BBS9: variants seen among roughly 807,000 people sequenced by gnomAD.
The protein encoded by BBS9 is protein PTHB1.
Under a neutral mutation model 117.7 loss-of-function variants are expected in BBS9, and 89 were observed. The observed-to-expected ratio is 0.76, with a 90% confidence interval of 0.64 to 0.90. The LOEUF (loss-of-function observed/expected upper bound fraction) is 0.90, where lower values mean the gene tolerates loss of function less well. BBS9 is among the 40% of genes least tolerant of loss of function. BBS9 has a pLI of 0.00. For missense variants in BBS9, 982 were observed against 1,042.2 expected (o/e 0.94, Z 0.80); for synonymous variants, 379 against 370.9 (o/e 1.02, Z -0.25).
chr7:33,553,954 G>A (rs577311139), intron 21 of BBS9, among the ~76,000 whole-genome samples: 2 of 152,244 alleles, frequency 1.3e-5, no homozygotes, highest in South Asian at 2.1e-4. Context: ...AGTTGAGAGA[G>A]TTTGTGGTGG....
intron 19 of BBS9, among the ~76,000 whole-genome samples, chr7:33,467,385 T>G (rs1052640960): frequency 2.0e-5 from 3 of 152,202 alleles, no homozygotes; most frequent in African/African-American, 7.2e-5. Context: ...GTTATCTCCA[T>G]CGATTTTCTA....
chr7:33,426,966 T>G (rs1377925736), intron 19 of BBS9, among the ~76,000 whole-genome samples: 1 of 152,210 alleles, frequency 6.6e-6, no homozygotes, highest in African/African-American at 2.4e-5. Context: ...GAGGGTAGGT[T>G]GTTTACTATC....
At chr7:33,242,382 A>C (rs1191109956) in intron 5 of BBS9, among the ~76,000 whole-genome samples, 1 of 152,082 alleles carries the variant, frequency 6.6e-6, no homozygotes, top group Non-Finnish European at 1.5e-5. Flanking sequence ...TTCTCCACAA[A>C]AGGTGGTCCA....
chr7:33,210,037 A>G (rs1787718840), intron 5 of BBS9, among the ~76,000 whole-genome samples: 3 of 152,042 alleles, frequency 2.0e-5, no homozygotes. Context: ...ATAGCTATAA[A>G]ATTTCCTTTT....
Position 33,604,858 on chromosome 7 carries a change from C to A in BBS9, c.2522-7C>A, listed in dbSNP as rs757253837. On this transcript the variant is annotated splice_region_variant and splice_polypyrimidine_tract_variant and intron_variant, in intron 21 of 22. Transcript: ENST00000242067. The stretch of plus-strand genomic sequence containing the variant: ...TGCTTAAAATATTGTTTGTATTTTT[C>A]AACTAGGTGGTTGTACTACAATCCC... 1.9e-6 allele frequency: 3 copies of A among 1,588,832 alleles called. No homozygotes were observed. The highest frequency in any genetic ancestry group is 2.6e-6 in the Non-Finnish European group (3 of 1,157,832).
chr7:33,406,514 A>G (rs1830024819), intron 19 of BBS9, among the ~76,000 whole-genome samples: 1 of 150,350 alleles, frequency 6.7e-6, no homozygotes, highest in Admixed American at 6.6e-5. Flanking sequence ...TAGTTGATGC[A>G]GTTTCTTCCT....
At chr7:33,378,874 C>G (rs1824414743) in intron 17 of BBS9, among the ~76,000 whole-genome samples, 1 of 152,204 alleles carries the variant, frequency 6.6e-6, no homozygotes, top group Admixed American at 6.5e-5. Flanking sequence ...GAACTCAGCT[C>G]TGGCCAGCTG....
At chr7:33,340,826 C>A in intron 10 of BBS9, 71 bp from the exon 11 acceptor site, 1 of 1,369,924 alleles carries the variant, frequency 7.3e-7, no homozygotes, top group Non-Finnish European at 1.0e-6. Flanking sequence ...TATAGACAAA[C>A]CTTTAAAGAA....
chr7:33,393,757 G>A (rs1280753446), intron 19 of BBS9, among the ~76,000 whole-genome samples: 1 of 152,138 alleles, frequency 6.6e-6, no homozygotes, highest in African/African-American at 2.4e-5. Context: ...CATCCACGAA[G>A]GGTTATCTCA....
At chr7:33,506,968 A>G (rs1291739013) in intron 20 of BBS9, among the ~76,000 whole-genome samples, 5 of 152,224 alleles carry the variant, frequency 3.3e-5, no homozygotes, top group African/African-American at 9.6e-5. Flanking sequence ...TTAGTAGTCA[A>G]ACAGGTTTGG....
chr7:33,309,856 G>C (rs1285811237), intron 9 of BBS9, among the ~76,000 whole-genome samples: 3 of 152,178 alleles, frequency 2.0e-5, no homozygotes, highest in African/African-American at 7.2e-5. Context: ...AATTCTCAGG[G>C]AGTTAGTGGA....
At position 33,534,126 on chromosome 7, in the gene BBS9, G is replaced by A. The variant is rs376641244; in HGVS notation, c.2471G>A (p.Arg824His). 17 of 1,614,028 alleles carry A rather than the reference G, an allele frequency of 1.1e-5. No individual in the cohort carries two copies. Among genetic ancestry groups the A allele is most frequent in the Admixed American group, 1.7e-5 (1 of 60,004 alleles). ...LLCDRLSKGG[R>H]LCLSTDAAAP... ...TGCGATAGATTATCCAAAGGTGGCC[G>A]TCTCTGCCTAAGTACCGATGCAGCA... Residue 824 changes from arginine to histidine, a missense_variant, in exon 21 of 23, where the codon CGT becomes CAT. Physicochemically the swap from Arg to His is conservative, Grantham distance 29 (BLOSUM62 0). Coordinates refer to ENST00000242067, the MANE Select transcript of BBS9 (RefSeq NM_198428.3).
rs999381586 is a variant in BBS9 at position 33,407,759 on chromosome 7, A to G, written c.2115+19615A>G. 1.2e-3 allele frequency among the ~76,000 whole-genome samples: 177 copies of G among 152,248 alleles called. 3 individuals are homozygous for G. The highest frequency in any genetic ancestry group is 3.5e-4 in the Non-Finnish European group (24 of 68,018). ...GTCTGCAGAACCACGGATTTTTGTG[A>G]TCCGCCAATGCTGCTGTCTGACTGT... is the stretch of plus-strand genomic sequence containing the variant. On this transcript the variant is annotated intron_variant, in intron 19 of 22. Coordinates refer to ENST00000242067, the MANE Select transcript of BBS9 (RefSeq NM_198428.3).
In BBS9 at chr7:33,430,578, G is replaced by A. The variant is rs1160384431; in HGVS notation, c.2115+42434G>A. Among the ~76,000 whole-genome samples, 4 of 152,172 alleles carry A rather than the reference G, an allele frequency of 2.6e-5. No homozygotes were observed. In the East Asian group the frequency reaches 7.7e-4, roughly 29 times the overall value. On this transcript the variant is annotated intron_variant, in intron 19 of 22. Transcript: ENST00000242067. ...TATGTGGAGGGAACTCTAGTTCCTT[G>A]TTTATCGAAAGCAGTGGATAAAAGT...
At chr7:33,312,698 G>T (rs897931280) in intron 9 of BBS9, among the ~76,000 whole-genome samples, 3 of 152,070 alleles carry the variant, frequency 2.0e-5, no homozygotes, top group African/African-American at 7.2e-5. Flanking sequence ...TGCTTGTGCT[G>T]TTCCACTTTT....
chr7:33,563,837 T>A (rs1856465832), intron 21 of BBS9, among the ~76,000 whole-genome samples: 1 of 152,146 alleles, frequency 6.6e-6, no homozygotes, highest in Admixed American at 6.6e-5. Context: ...AACAAAGTCA[T>A]GAGATGCGAA....
chr7:33,532,028 G>A (rs960497971), intron 20 of BBS9, among the ~76,000 whole-genome samples: 1 of 152,228 alleles, frequency 6.6e-6, no homozygotes. Context: ...GAGAACTCCA[G>A]TCACTCTCAG....
intron 9 of BBS9, among the ~76,000 whole-genome samples, chr7:33,294,928 T>A (rs1174415761): frequency 6.6e-6 from 1 of 152,222 alleles, no homozygotes; most frequent in Non-Finnish European, 1.5e-5. Context: ...GTCTCTTCTT[T>A]CCTAAGTAAA....
chr7:33,467,025 CTCTCTCTT>C (rs1177843097), intron 19 of BBS9, among the ~76,000 whole-genome samples: 5 of 106,250 alleles, frequency 4.7e-5, no homozygotes, highest in Admixed American at 1.0e-4. Flanking sequence ...CTCTCTCTCT[CTCTCTCTT>C]ATGACAACCA....
Sources: allele counts gnomAD v4.1 joint callset (sites outside exome capture counted in the v4.1 genomes callset), GRCh38; gene constraint gnomAD v4.1.1; transcripts MANE v1.5; gene names NCBI Gene and HGNC (gene_info 2026-07-23, HGNC 2026-07-21).